Variants in ARIH1 observed in about 807,000 individuals in gnomAD.
ARIH1 encodes the protein ariadne RBR E3 ubiquitin protein ligase 1.
ARIH1 carries 8 observed loss-of-function variants against 85.0 expected under a neutral mutation model. That is an observed-to-expected ratio of 0.09 (90% CI 0.06 to 0.17). The LOEUF (loss-of-function observed/expected upper bound fraction) is 0.17. Among genes scored for constraint, ARIH1 ranks in the 10% least tolerant of loss-of-function variants. ARIH1 has a pLI of 1.00. For missense variants in ARIH1, 311 were observed against 718.1 expected (o/e 0.43, Z 6.48); for synonymous variants, 238 against 253.6 (o/e 0.94, Z 0.59).
intron 2 of ARIH1, among the ~76,000 whole-genome samples, chr15:72,534,308 CAG>C (rs1359256972): frequency 6.6e-6 from 1 of 151,188 alleles, no homozygotes; most frequent in Non-Finnish European, 1.5e-5. Context: ...AAAAAAAAAA[CAG>C]GGTAGTGATC....
intron 2 of ARIH1, among the ~76,000 whole-genome samples, chr15:72,538,363 C>T (rs147703925): frequency 4.6e-5 from 7 of 152,176 alleles, no homozygotes; most frequent in East Asian, 3.9e-4. Flanking sequence ...CCCTCTCCCC[C>T]GCAAATAAAT....
rs1026576899 is a variant in ARIH1, at chr15:72,595,743, G to A, written c.*12451G>A. On this transcript the variant is annotated 3_prime_UTR_variant, in exon 14 of 14. Coordinates refer to ENST00000379887, the MANE Select transcript of ARIH1 (RefSeq NM_005744.5). ...AGTGATCTTCCTGCCTTGCACTCCC[G>A]AAGTGTTGGCATTACAGGCATGAGA... 4 of 151,470 alleles carry A rather than the reference G, an allele frequency of 2.6e-5. No individual in the cohort carries two copies. Among genetic ancestry groups the A allele is most frequent in the South Asian group, 2.1e-4 (1 of 4,786 alleles). The allele number at this position is 151,470 out of a possible 1,614,324, so 9.4% of individuals were successfully genotyped here. A position where few individuals can be genotyped will look rare whatever the true frequency, so the allele number is the denominator to read the frequency against.
At chr15:72,480,410 C>T (rs1469256341) in intron 1 of ARIH1, among the ~76,000 whole-genome samples, 11 of 150,502 alleles carry the variant, frequency 7.3e-5, no homozygotes, top group East Asian at 3.9e-4. Flanking sequence ...TACAGGCACG[C>T]GCCACCACAC....
rs2064343853 is a variant in ARIH1, at chr15:72,591,592, T to TA, written c.*8301dup. 1 of 152,230 alleles carries TA rather than the reference T, an allele frequency of 6.6e-6. No individual in the cohort carries two copies. The highest frequency in any genetic ancestry group is 2.4e-5 in the African/African-American group (1 of 41,460). 9.4% of individuals were successfully genotyped at this position (152,230 alleles called of 1,614,324 possible). On this transcript the variant is annotated 3_prime_UTR_variant, in exon 14 of 14. Transcript: ENST00000379887. ...TTACTTGAATTTCCCAGCTTCCTTTTACAGGGAGACTTCCTTGCTATGTGT... is the reference window on the plus strand; with the variant it reads ...TTACTTGAATTTCCCAGCTTCCTTTTAACAGGGAGACTTCCTTGCTATGTGT...
intron 2 of ARIH1, among the ~76,000 whole-genome samples, chr15:72,528,939 G>A (rs1335825963): frequency 6.6e-6 from 1 of 152,290 alleles, no homozygotes; most frequent in South Asian, 2.1e-4. Context: ...GGTGGCTCAT[G>A]CCTGTAATCC....
intron 8 of ARIH1, among the ~76,000 whole-genome samples, 161 bp downstream of exon 8, chr15:72,566,766 G>GGAT (rs1241957154): frequency 6.6e-6 from 1 of 151,838 alleles, no homozygotes; most frequent in African/African-American, 2.4e-5. Flanking sequence ...TAATTCCTTA[G>GGAT]GATAAGCCAA....
intron 2 of ARIH1, among the ~76,000 whole-genome samples, chr15:72,535,099 C>T (rs1370180140): frequency 6.7e-6 from 1 of 150,340 alleles, no homozygotes; most frequent in East Asian, 2.0e-4. Flanking sequence ...CTACAGGCGC[C>T]CGCCACCTCG....
At chr15:72,532,559 C>T (rs1358374721) in intron 2 of ARIH1, among the ~76,000 whole-genome samples, 1 of 152,118 alleles carries the variant, frequency 6.6e-6, no homozygotes, top group Non-Finnish European at 1.5e-5. Flanking sequence ...CTTCTGCCTT[C>T]ATAAAGATAT....
rs2140432946 is a variant in ARIH1, at chr15:72,563,494, A to T, written c.905A>T (p.Gln302Leu). 6.2e-7 allele frequency: 1 copy of T among 1,613,522 alleles called. No individual in the cohort carries two copies. Among genetic ancestry groups the T allele is most frequent in the East Asian group, 2.2e-5 (1 of 44,886 alleles). The change falls in exon 7 of 14, where the codon CAA (glutamine) becomes CTA (leucine). Residue 302 changes from glutamine (Q) to leucine (L), a missense_variant. By Grantham distance (113) the Gln-to-Leu change is moderately radical (BLOSUM62 -2). Coordinates refer to ENST00000379887, the MANE Select transcript of ARIH1 (RefSeq NM_005744.5). ...AKPVRCKCGR[Q>L]FCFNCGENWH... Reference sequence around the variant, plus strand: ...CCTGTTCGCTGCAAATGTGGGCGCCAATTTTGGTAAGCAAGTGATTTCCTA... The same window carrying T: ...CCTGTTCGCTGCAAATGTGGGCGCCTATTTTGGTAAGCAAGTGATTTCCTA...
intron 1 of ARIH1, among the ~76,000 whole-genome samples, chr15:72,505,121 G>T (rs2063919347): frequency 6.6e-6 from 1 of 152,150 alleles, no homozygotes; most frequent in Admixed American, 6.5e-5. Flanking sequence ...CATGCATACA[G>T]ATCACCTCAG....
chr15:72,567,086 C>A lies in ARIH1; in HGVS notation c.955-20C>A, dbSNP rs774920146. The A allele has an allele frequency of 1.4e-5, 23 of 1,587,970 alleles. No homozygotes were observed. Among genetic ancestry groups the A allele is most frequent in the Non-Finnish European group, 2.0e-5 (23 of 1,161,146 alleles). The stretch of plus-strand genomic sequence containing the variant: ...TTAAAAGTCTTTTGTTGTATCCTAA[C>A]CGTTGTTATTTTCAAACAGTGGTTA... On this transcript the variant is annotated intron_variant, in intron 8 of 13. Transcript: ENST00000379887.
At chr15:72,535,820 A>T (rs1356459400) in intron 2 of ARIH1, among the ~76,000 whole-genome samples, 1 of 152,156 alleles carries the variant, frequency 6.6e-6, no homozygotes, top group South Asian at 2.1e-4. Flanking sequence ...AAAAAAAGCC[A>T]CTGTCTTGGT....
intron 9 of ARIH1, 53 bp from the exon 10 acceptor site, chr15:72,570,124 A>G (rs1212531109): frequency 6.3e-7 from 1 of 1,588,156 alleles, no homozygotes; most frequent in Non-Finnish European, 8.6e-7. Context: ...CCTTAATGTT[A>G]GTAATGCAAC....
chr15:72,481,986 A>G (rs1044558073), intron 1 of ARIH1, among the ~76,000 whole-genome samples: 3 of 151,780 alleles, frequency 2.0e-5, no homozygotes, highest in African/African-American at 7.3e-5. Context: ...ACAGGCGCCC[A>G]CCACTACGCC....
rs75881649 is a variant in ARIH1 at position 72,513,628 on chromosome 15, C to G, written c.376-4439C>G. 6.7e-3 allele frequency among the ~76,000 whole-genome samples: 1,024 copies of G among 151,840 alleles called. 6 individuals are homozygous for G. The highest frequency in any genetic ancestry group is 0.023 in the African/African-American group (970 of 41,386). On this transcript the variant is annotated intron_variant, in intron 1 of 13. Coordinates refer to ENST00000379887, the MANE Select transcript of ARIH1 (RefSeq NM_005744.5). ...TACCCCCATATCATTTCCCTTCCAC[C>G]CAAAGAATTTCTTATAGCTTTTCTT...
chr15:72,579,607 A>G (rs751990454), intron 11 of ARIH1, among the ~76,000 whole-genome samples: 1 of 152,216 alleles, frequency 6.6e-6, no homozygotes, highest in Non-Finnish European at 1.5e-5. Flanking sequence ...ACATGTGACT[A>G]TTGAGCGATG....
At chr15:72,475,442 G>A (rs376061623) in intron 1 of ARIH1, among the ~76,000 whole-genome samples, 4 of 152,218 alleles carry the variant, frequency 2.6e-5, no homozygotes, top group African/African-American at 9.6e-5. Context: ...ACTTTTGGAA[G>A]GGATTAGAGT....
Position 72,580,928 on chromosome 15 carries a change from A to G in ARIH1, c.1413A>G (p.Thr471=). The G allele has an allele frequency of 6.2e-7, 1 of 1,614,098 alleles. No individual in the cohort carries two copies. Among genetic ancestry groups the G allele is most frequent in the Non-Finnish European group, 8.5e-7 (1 of 1,179,996 alleles). The change falls in exon 12 of 14, where the codon ACA becomes ACG. Residue 471 remains threonine (T), a synonymous_variant. Coordinates refer to ENST00000379887, the MANE Select transcript of ARIH1 (RefSeq NM_005744.5). ...ATGTCCTCTGCCAGTGTCGTGCCAC[A>G]CTCATGTACACTTATGTCTTCGCTT... The part of the protein sequence containing the change: ...AVDVLCQCRA[T]LMYTYVFAFY...
chr15:72,538,898 T>C (rs556815927), intron 2 of ARIH1, among the ~76,000 whole-genome samples: 2 of 152,342 alleles, frequency 1.3e-5, no homozygotes, highest in South Asian at 4.1e-4. Context: ...TATGAAAATC[T>C]TAATGTAGAG....
Sources: gnomAD v4.1 joint callset for allele counts (sites outside exome capture counted in the v4.1 genomes callset) on GRCh38, gnomAD v4.1.1 for gene constraint, MANE v1.5 for transcripts, NCBI Gene and HGNC (gene_info 2026-07-23, HGNC 2026-07-21) for gene names.